The following ZNF292 variants were observed in gnomAD, a reference collection of about 807,000 sequenced individuals.
The protein encoded by ZNF292 is zinc finger protein 292.
ZNF292 carries 26 observed loss-of-function variants against 217.9 expected under a neutral mutation model. That is an observed-to-expected ratio of 0.12 (90% confidence interval 0.09 to 0.17). The LOEUF (loss-of-function observed/expected upper bound fraction) is 0.17. Ranked by LOEUF, ZNF292 falls within the 10% of genes least tolerant of loss-of-function variation. The probability of loss-of-function intolerance (pLI) is 1.00; values close to 1 mark genes in which losing one functional copy is unlikely to be tolerated. For missense variants in ZNF292, 2,904 were observed against 3,175.2 expected, an observed-to-expected ratio of 0.91 and a Z score of 2.05; for synonymous variants, 1,257 against 1,124.1, an observed-to-expected ratio of 1.12 and a Z score of -2.37.
At chr6:87,236,123 T>C (rs1463245657) in intron 5 of ZNF292, among the ~76,000 whole-genome samples, 2 of 152,246 alleles carry the variant, frequency 1.3e-5, no homozygotes, top group Non-Finnish European at 2.9e-5. Context: ...GTGCACCATG[T>C]GCTCTCTCAC....
At chr6:87,170,901 A>G (rs1771075784) in intron 1 of ZNF292, among the ~76,000 whole-genome samples, 1 of 152,152 alleles carries the variant, frequency 6.6e-6, no homozygotes, top group East Asian at 1.9e-4. Flanking sequence ...GAATTGATGA[A>G]AGCCATAATT....
At chr6:87,185,760 C>T (rs1418629953) in intron 1 of ZNF292, among the ~76,000 whole-genome samples, 2 of 152,186 alleles carry the variant, frequency 1.3e-5, no homozygotes, top group African/African-American at 2.4e-5. Context: ...TGAGCCACCA[C>T]GCCCAGCCCT....
Position 87,258,628 on chromosome 6 carries a change from A to T in ZNF292, c.4999A>T (p.Thr1667Ser). The T allele has an allele frequency of 6.2e-7, 1 of 1,613,620 alleles. No individual in the cohort carries two copies. Among genetic ancestry groups the T allele is most frequent in the Admixed American group, 1.7e-5 (1 of 59,892 alleles). Residue 1667 changes from threonine to serine, a missense_variant, in exon 8 of 8, where the codon ACT (threonine) becomes TCT (serine). Coordinates refer to ENST00000369577, the MANE Select transcript of ZNF292 (RefSeq NM_015021.3). ...LIAKSVEIPT[T>S]NLHSNVIPTC... ...AGCAAAGAGTGTTGAAATCCCAACT[A>T]CTAACCTTCATTCAAATGTAATTCC...
intron 7 of ZNF292, among the ~76,000 whole-genome samples, chr6:87,247,330 C>G (rs1004395653): frequency 6.6e-6 from 1 of 151,290 alleles, no homozygotes; most frequent in Non-Finnish European, 1.5e-5. Flanking sequence ...CTACATGAAG[C>G]TGGAACCTGT....
intron 3 of ZNF292, 78 bp downstream of exon 3, chr6:87,216,455 T>A: frequency 9.2e-7 from 1 of 1,083,862 alleles, no homozygotes; most frequent in African/African-American, 1.6e-5. Context: ...ATTATTCAGT[T>A]AAACTTTAAG....
At position 87,254,934 on chromosome 6, in the gene ZNF292, A is replaced by G. The variant is rs1463868591; in HGVS notation, c.1305A>G (p.Val435=). ...PNSLRCELLL[V]LKTQWPFDPE... ...CTTTACGCTGTGAGCTGTTACTTGT[A>G]TTGAAAACTCAATGGCCCTTTGATC... The change falls in exon 8 of 8, where the codon GTA becomes GTG. Residue 435 remains valine (V), a synonymous_variant. Coordinates refer to ENST00000369577, the MANE Select transcript of ZNF292 (RefSeq NM_015021.3). The G allele has an allele frequency of 1.9e-6, 3 of 1,613,876 alleles. No individual in the cohort carries two copies. Among genetic ancestry groups the G allele is most frequent in the Non-Finnish European group, 2.5e-6 (3 of 1,179,836 alleles).
chr6:87,224,185 T>C (rs1347627283), intron 4 of ZNF292, among the ~76,000 whole-genome samples: 1 of 152,216 alleles, frequency 6.6e-6, no homozygotes, highest in Non-Finnish European at 1.5e-5. Flanking sequence ...TCTTACATTC[T>C]CCACTCATTT....
intron 4 of ZNF292, chr6:87,222,923 A>T (rs1173237361): frequency 2.4e-6 from 1 of 425,056 alleles, no homozygotes; most frequent in Non-Finnish European, 4.7e-6. Context: ...CTCAATTGAG[A>T]TTTGTCTGAT....
At position 87,216,029 on chromosome 6, in the gene ZNF292, G is replaced by A. The variant is rs1772737201; in HGVS notation, c.295G>A (p.Val99Ile). The part of the protein sequence containing the change: ...RPYLTSECEN[V>I]ALVLERLALS... ...TTATCTTACCTCTGAATGTGAAAAT[G>A]TAGCCTTGGTTCTGGAACGCTTGGC... is the stretch of plus-strand genomic sequence containing the variant. The change falls in exon 2 of 8, where the codon GTA becomes ATA. Residue 99 changes from valine to isoleucine, a missense_variant. By Grantham distance (29) the Val-to-Ile change is conservative. Transcript: ENST00000369577. 1 of 1,571,192 alleles carries A rather than the reference G, an allele frequency of 6.4e-7. No homozygotes were observed. Among genetic ancestry groups the A allele is most frequent in the Non-Finnish European group, 8.6e-7 (1 of 1,165,420 alleles).
In ZNF292 at chr6:87,203,414, A is replaced by G. The variant is rs576149426; in HGVS notation, c.169-12489A>G. On this transcript the variant is annotated intron_variant, in intron 1 of 7. Coordinates refer to ENST00000369577, the MANE Select transcript of ZNF292 (RefSeq NM_015021.3). ...CGCCTCAGCCTACCAAAGTGCTGGG[A>G]TTACAAGTGTGAGCCACTGTGCTGA... Among the ~76,000 whole-genome samples, 8 of 152,198 alleles carry G rather than the reference A, an allele frequency of 5.3e-5. No homozygotes were observed. In the South Asian group the frequency reaches 1.7e-3, roughly 32 times the overall value.
chr6:87,230,594 C>T (rs944651179), intron 4 of ZNF292, among the ~76,000 whole-genome samples: 16 of 151,796 alleles, frequency 1.1e-4, no homozygotes, highest in Non-Finnish European at 4.4e-5. Context: ...ATTAGCCGGG[C>T]GTGGTGGCGG....
rs777095701 is a variant in ZNF292, at chr6:87,261,741, A to G, written c.8112A>G (p.Pro2704=). 3.2e-5 allele frequency: 52 copies of G among 1,613,052 alleles called. No homozygotes were observed. Among genetic ancestry groups the G allele is most frequent in the Non-Finnish European group, 4.3e-5 (51 of 1,179,274 alleles). ...LKKLEVHSND[P]DMSVMKDISI... is the part of the protein sequence containing the mutation. ...AACTTGAAGTACATTCAAATGATCCAGATATGTCTGTTATGAAAGATATCA... is the reference window on the plus strand; with the variant it reads ...AACTTGAAGTACATTCAAATGATCCGGATATGTCTGTTATGAAAGATATCA... The change falls in exon 8 of 8, where the codon CCA becomes CCG. Residue 2704 remains proline, a synonymous_variant. Coordinates refer to ENST00000369577, the MANE Select transcript of ZNF292 (RefSeq NM_015021.3).
At chr6:87,161,129 A>G (rs1172483712) in intron 1 of ZNF292, among the ~76,000 whole-genome samples, 1 of 152,204 alleles carries the variant, frequency 6.6e-6, no homozygotes, top group Non-Finnish European at 1.5e-5. Flanking sequence ...TTCTTAGCAG[A>G]AATTACAAGC....
intron 1 of ZNF292, among the ~76,000 whole-genome samples, chr6:87,193,845 G>A (rs1304813419): frequency 6.6e-6 from 1 of 152,156 alleles, no homozygotes; most frequent in Non-Finnish European, 1.5e-5. Flanking sequence ...TGTGTATGCA[G>A]ATATTCCAGA....
intron 3 of ZNF292, 21 bp downstream of exon 3, chr6:87,216,398 A>G: frequency 6.6e-7 from 1 of 1,519,634 alleles, no homozygotes; most frequent in Non-Finnish European, 9.0e-7. Flanking sequence ...TTATCTTTAG[A>G]TTTAATACAG....
chr6:87,236,699 A>G (rs79616063), intron 5 of ZNF292, among the ~76,000 whole-genome samples: 192 of 152,186 alleles, frequency 1.3e-3, no homozygotes, highest in Non-Finnish European at 2.2e-3. Flanking sequence ...AATTTGATAT[A>G]TAATCTTTCT....
Position 87,261,633 on chromosome 6 carries a change from T to C in ZNF292, c.8004T>C (p.Ile2668=), listed in dbSNP as rs538077330. 1 of 1,611,788 alleles carries C rather than the reference T, an allele frequency of 6.2e-7. No individual in the cohort carries two copies. Among genetic ancestry groups the C allele is most frequent in the East Asian group, 2.2e-5 (1 of 44,810 alleles). ...TTCAGTGCAGTGATAATGTAAAAAT[T>C]GTTTTAGACAAGAATCTTAAAGATT... is the stretch of plus-strand genomic sequence containing the variant. ...SQLQCSDNVK[I]VLDKNLKDCT... The change falls in exon 8 of 8, where the codon ATT becomes ATC. Residue 2668 remains isoleucine, a synonymous_variant. Transcript: ENST00000369577.
chr6:87,205,546 A>C (rs551197813), intron 1 of ZNF292, among the ~76,000 whole-genome samples: 2 of 152,074 alleles, frequency 1.3e-5, no homozygotes, highest in South Asian at 4.1e-4. Context: ...TCAGATTTTT[A>C]AGTTATTTTC....
chr6:87,259,091 C>G lies in ZNF292; in HGVS notation c.5462C>G (p.Thr1821Arg), dbSNP rs374977456. The G allele has an allele frequency of 3.1e-6, 5 of 1,612,886 alleles. No individual in the cohort carries two copies. The highest frequency in any genetic ancestry group is 1.3e-5 in the African/African-American group (1 of 74,846). Reference protein sequence around the residue: ...PFSSFISVMPTKSNIPQSEVS... With the variant: ...PFSSFISVMPRKSNIPQSEVS... ...TCCTCCTTTATAAGTGTCATGCCAA[C>G]AAAAAGTAACATTCCTCAGTCTGAA... The change falls in exon 8 of 8, where the codon ACA becomes AGA. Residue 1821 changes from threonine (T) to arginine (R), a missense_variant. Physicochemically the swap from Thr to Arg is moderately conservative, Grantham distance 71 (BLOSUM62 -1). Coordinates refer to ENST00000369577, the MANE Select transcript of ZNF292 (RefSeq NM_015021.3).
Sources: gnomAD v4.1 joint callset for allele counts (sites outside exome capture counted in the v4.1 genomes callset) on GRCh38, gnomAD v4.1.1 for gene constraint, MANE v1.5 for transcripts, NCBI Gene and HGNC (gene_info 2026-07-23, HGNC 2026-07-21) for gene names.